The following CADM2 variants were observed in gnomAD, a reference collection of about 807,000 sequenced individuals.
The protein encoded by CADM2 is cell adhesion molecule 2, also known as immunoglobulin superfamily member 4D.
Under a neutral mutation model 49.8 loss-of-function variants are expected in CADM2, and 12 were observed. The ratio of observed to expected loss-of-function variants is 0.24; its 90% CI spans 0.15 to 0.39. The LOEUF (loss-of-function observed/expected upper bound fraction) is 0.39, where lower values mean the gene tolerates loss of function less well. Ranked by LOEUF, CADM2 falls within the 10% of genes least tolerant of loss-of-function variation. The probability of loss-of-function intolerance (pLI) is 1.00; values close to 1 mark genes in which losing one functional copy is unlikely to be tolerated. For synonymous variants in CADM2, 214 were observed against 175.4 expected, an observed-to-expected ratio of 1.22 and a Z score of -1.74; for missense variants, 378 against 492.3, an observed-to-expected ratio of 0.77 and a Z score of 2.20.
intron 1 of CADM2, among the ~76,000 whole-genome samples, chr3:85,321,074 C>T (rs1296609151): frequency 9.0e-6 from 1 of 110,996 alleles, no homozygotes; most frequent in Non-Finnish European, 1.7e-5. Flanking sequence ...TTTAAATGTA[C>T]TCATAATAGA....
intron 3 of CADM2, among the ~76,000 whole-genome samples, chr3:85,851,238 A>G (rs2075096689): frequency 6.6e-6 from 1 of 152,192 alleles, no homozygotes; most frequent in Non-Finnish European, 1.5e-5. Context: ...GCTAGAGGAC[A>G]GTTGTGACAT....
chr3:85,961,555 T>G lies in CADM2; in HGVS notation c.878T>G (p.Leu293Arg). ...GTGAGTGGTAGGGAGCTAAACATTCTTTTCCTGAACAAAACGGATAATGGT... is the reference window on the plus strand; with the variant it reads ...GTGAGTGGTAGGGAGCTAAACATTCGTTTCCTGAACAAAACGGATAATGGT... The part of the protein sequence containing the change: ...MVVSGRELNI[L>R]FLNKTDNGTY... Residue 293 changes from leucine to arginine, a missense_variant, in exon 8 of 10, where the codon CTT becomes CGT. Leu to Arg is a moderately radical substitution (Grantham distance 102). Transcript: ENST00000383699. 2 of 1,610,880 alleles carry G rather than the reference T, an allele frequency of 1.2e-6. No homozygotes were observed. The highest frequency in any genetic ancestry group is 8.5e-7 in the Non-Finnish European group (1 of 1,177,742).
intron 1 of CADM2, among the ~76,000 whole-genome samples, chr3:85,626,556 T>A (rs1412783238): frequency 2.6e-5 from 4 of 152,006 alleles, no homozygotes; most frequent in Non-Finnish European, 5.9e-5. Flanking sequence ...AATATATTTT[T>A]ATAATTATAC....
At chr3:85,807,495 G>A (rs756681453) in intron 3 of CADM2, among the ~76,000 whole-genome samples, 39 of 98,404 alleles carry the variant, frequency 4.0e-4, no homozygotes, top group Admixed American at 9.1e-4. Context: ...GTGAAACTCC[G>A]TCTCAAAAAA....
At chr3:85,737,193 A>G (rs2068174681) in intron 2 of CADM2, among the ~76,000 whole-genome samples, 2 of 152,144 alleles carry the variant, frequency 1.3e-5, no homozygotes, top group Non-Finnish European at 1.5e-5. Flanking sequence ...TGAAGGGAAA[A>G]CCATAAATTT....
intron 1 of CADM2, among the ~76,000 whole-genome samples, chr3:85,498,384 G>A (rs939568663): frequency 2.6e-5 from 4 of 152,104 alleles, no homozygotes; most frequent in African/African-American, 9.7e-5. Flanking sequence ...CAATGTTAAT[G>A]AATCAATAAT....
At chr3:85,046,438 G>T (rs2035659681) in intron 1 of CADM2, among the ~76,000 whole-genome samples, 1 of 151,196 alleles carries the variant, frequency 6.6e-6, no homozygotes, top group Non-Finnish European at 1.5e-5. Context: ...ATAGTTTTTG[G>T]TTTGTTTTGG....
chr3:84,988,730 T>A (rs2032724480), intron 1 of CADM2, among the ~76,000 whole-genome samples: 1 of 152,202 alleles, frequency 6.6e-6, no homozygotes, highest in Non-Finnish European at 1.5e-5. Flanking sequence ...ATTCAGCATG[T>A]TAGTATGCTT....
At chr3:85,990,937 G>A (rs1234461745) in intron 8 of CADM2, among the ~76,000 whole-genome samples, 1 of 152,048 alleles carries the variant, frequency 6.6e-6, no homozygotes, top group Non-Finnish European at 1.5e-5. Flanking sequence ...GGATTATTTT[G>A]AACTAAAGGC....
At chr3:85,684,168 A>G (rs967027660) in intron 1 of CADM2, among the ~76,000 whole-genome samples, 1 of 152,232 alleles carries the variant, frequency 6.6e-6, no homozygotes, top group Non-Finnish European at 1.5e-5. Flanking sequence ...GTACATTATT[A>G]TAAATTATGC....
intron 8 of CADM2, among the ~76,000 whole-genome samples, chr3:86,002,591 G>C (rs911661426): frequency 6.6e-6 from 1 of 151,984 alleles, no homozygotes; most frequent in Non-Finnish European, 1.5e-5. Flanking sequence ...GGCTTACCTG[G>C]GAAACTTTCT....
chr3:85,015,917 T>A (rs1178069674), intron 1 of CADM2, among the ~76,000 whole-genome samples: 1 of 152,176 alleles, frequency 6.6e-6, no homozygotes, highest in East Asian at 1.9e-4. Flanking sequence ...TGGGTGAAAC[T>A]TAATGAGTAG....
At chr3:85,951,534 T>C (rs1005828123) in intron 7 of CADM2, among the ~76,000 whole-genome samples, 1 of 151,010 alleles carries the variant, frequency 6.6e-6, no homozygotes, top group Non-Finnish European at 1.5e-5. Flanking sequence ...TTTTCAAACA[T>C]GTCTATTTTC....
intron 1 of CADM2, among the ~76,000 whole-genome samples, chr3:85,281,615 T>C (rs1240998377): frequency 6.6e-6 from 1 of 152,072 alleles, no homozygotes; most frequent in East Asian, 1.9e-4. Flanking sequence ...GATGATATGC[T>C]GAAATATTAT....
At chr3:85,641,528 T>C (rs2064711766) in intron 1 of CADM2, among the ~76,000 whole-genome samples, 1 of 152,182 alleles carries the variant, frequency 6.6e-6, no homozygotes, top group African/African-American at 2.4e-5. Flanking sequence ...TTATATTGTT[T>C]GGACAGGGAG....
At chr3:85,459,087 G>T (rs1419262729) in intron 1 of CADM2, among the ~76,000 whole-genome samples, 2 of 152,044 alleles carry the variant, frequency 1.3e-5, no homozygotes, top group African/African-American at 2.4e-5. Flanking sequence ...TTCTTAAAAG[G>T]TAACCTGGCT....
intron 2 of CADM2, among the ~76,000 whole-genome samples, chr3:85,750,714 G>T (rs2068825196): frequency 6.6e-6 from 1 of 151,958 alleles, no homozygotes; most frequent in South Asian, 2.1e-4. Flanking sequence ...TACTATCTTG[G>T]ATGTCTGATG....
At chr3:85,606,468 A>G (rs1007884645) in intron 1 of CADM2, among the ~76,000 whole-genome samples, 1 of 152,156 alleles carries the variant, frequency 6.6e-6, no homozygotes. Flanking sequence ...GTAATATACT[A>G]TAAAAACATA....
intron 1 of CADM2, among the ~76,000 whole-genome samples, chr3:85,417,275 T>C (rs1345492293): frequency 6.6e-6 from 1 of 152,180 alleles, no homozygotes; most frequent in Non-Finnish European, 1.5e-5. Context: ...TACAAAATCC[T>C]GTTTGGAAAT....
Sources: allele counts gnomAD v4.1 joint callset (sites outside exome capture counted in the v4.1 genomes callset), GRCh38; gene constraint gnomAD v4.1.1; transcripts MANE v1.5; gene names NCBI Gene and HGNC (gene_info 2026-07-23, HGNC 2026-07-21).